Variants in EPB41L1 observed in about 807,000 individuals in gnomAD.
The protein encoded by EPB41L1 is erythrocyte membrane protein band 4.1 like 1.
Under a neutral mutation model 97.8 loss-of-function variants are expected in EPB41L1, and 29 were observed. The ratio of observed to expected loss-of-function variants is 0.30; its 90% confidence interval spans 0.22 to 0.40. EPB41L1 has a LOEUF of 0.40. Among genes scored for constraint, EPB41L1 ranks in the 10% least tolerant of loss-of-function variants. The pLI, the probability that EPB41L1 is intolerant of heterozygous loss-of-function variation, is 1.00. For missense variants in EPB41L1, 812 were observed against 1,162.3 expected (o/e 0.70, Z 4.38); for synonymous variants, 383 against 459.2 (o/e 0.83, Z 2.12).
intron 11 of EPB41L1, among the ~76,000 whole-genome samples, chr20:36,191,260 C>T (rs570233994): frequency 6.6e-6 from 1 of 152,200 alleles, no homozygotes; most frequent in Admixed American, 6.5e-5. Context: ...CAGTGTGGAG[C>T]TGATGATGCC....
intron 6 of EPB41L1, among the ~76,000 whole-genome samples, chr20:36,184,170 G>T (rs2061581714): frequency 6.6e-6 from 1 of 152,122 alleles, no homozygotes; most frequent in South Asian, 2.1e-4. Flanking sequence ...GAGAGGCAGA[G>T]GTTGCAGTGA....
At chr20:36,171,778 C>T (rs192181496) in intron 1 of EPB41L1, among the ~76,000 whole-genome samples, 77 of 152,242 alleles carry the variant, frequency 5.1e-4, no homozygotes, top group Middle Eastern at 3.4e-3. Context: ...AGGGTGGATG[C>T]TGTGTCTGTC....
chr20:36,137,236 C>G (rs988424636), intron 2 of EPB41L1, among the ~76,000 whole-genome samples: 2 of 151,680 alleles, frequency 1.3e-5, no homozygotes, highest in Admixed American at 1.3e-4. Flanking sequence ...ACTATCACAC[C>G]TGGCTAATTT....
chr20:36,096,502 A>ATGAGGG, intron 1 of EPB41L1, among the ~76,000 whole-genome samples: 1 of 152,320 alleles, frequency 6.6e-6, no homozygotes, highest in Non-Finnish European at 1.5e-5. Context: ...TCTAGGCACC[A>ATGAGGG]TGAGCTCTTT....
At chr20:36,225,662 C>T (rs886653803) in intron 21 of EPB41L1, among the ~76,000 whole-genome samples, 1 of 152,196 alleles carries the variant, frequency 6.6e-6, no homozygotes, top group African/African-American at 2.4e-5. Flanking sequence ...CTTCCAATTA[C>T]AGTCCTCTGG....
chr20:36,177,904 GC>G, intron 3 of EPB41L1, 47 bp from the exon 4 acceptor site: 1 of 1,481,384 alleles, frequency 6.8e-7, no homozygotes, highest in Non-Finnish European at 9.4e-7. Flanking sequence ...TCCCAGCCTC[GC>G]CCCGGGGTGT....
chr20:36,231,334 C>T lies in EPB41L1; in HGVS notation c.*1994C>T, dbSNP rs1816640041. Reference sequence around the variant, plus strand: ...CTGCGAATTTCTCAGTTCCATTTTACCTCCCAGTCCTCCTTCTAAACCAGT... The same window carrying T: ...CTGCGAATTTCTCAGTTCCATTTTATCTCCCAGTCCTCCTTCTAAACCAGT... On this transcript the variant is annotated 3_prime_UTR_variant, in exon 22 of 22. Transcript: ENST00000338074. 6.6e-6 allele frequency: 1 copy of T among 152,236 alleles called. No individual in the cohort carries two copies. Among genetic ancestry groups the T allele is most frequent in the South Asian group, 2.1e-4 (1 of 4,836 alleles). 9.4% of individuals were successfully genotyped at this position (152,236 alleles called of 1,614,324 possible).
Position 36,207,821 on chromosome 20 carries a change from C to A in EPB41L1, c.1669-1667C>A. ...AGCCCCCGCCCCCACCGCTGCTCCC[C>A]GCCCATGGGGGCTGGCCGCATGCTC... On this transcript the variant is annotated intron_variant, in intron 14 of 21. Transcript: ENST00000338074. This position sits in a 1 kb window ranked among gnomAD's most constrained non-coding sequence, Gnocchi z 4.9. The A allele has an allele frequency of 8.7e-6, 11 of 1,267,554 alleles. No homozygotes were observed. Among genetic ancestry groups the A allele is most frequent in the Non-Finnish European group, 1.1e-5 (11 of 976,418 alleles). 78.5% of individuals were successfully genotyped at this position (1,267,554 alleles called of 1,614,324 possible).
chr20:36,195,377 A>G lies in EPB41L1; in HGVS notation c.1485+13A>G, dbSNP rs778405056. Reference sequence around the variant, plus strand: ...ACACAAGCAGGAGGTACTGCATGGGACCTGTCCCTCCCTACCCAGCCGTTC... The same window carrying G: ...ACACAAGCAGGAGGTACTGCATGGGGCCTGTCCCTCCCTACCCAGCCGTTC... On this transcript the variant is annotated intron_variant, in intron 13 of 21. Coordinates refer to ENST00000338074, the MANE Select transcript of EPB41L1 (RefSeq NM_012156.2). The surrounding 1 kb of genome is among the most constrained non-coding windows in gnomAD (Gnocchi z 4.6). 3 of 1,613,254 alleles carry G rather than the reference A, an allele frequency of 1.9e-6. No individual in the cohort carries two copies. The highest frequency in any genetic ancestry group is 1.1e-5 in the South Asian group (1 of 91,032).
intron 1 of EPB41L1, among the ~76,000 whole-genome samples, chr20:36,096,273 AAT>A (rs2057829102): frequency 6.6e-6 from 1 of 152,116 alleles, no homozygotes; most frequent in Non-Finnish European, 1.5e-5. Context: ...GGTAGGTAGG[AAT>A]TCTGCTTTCA....
rs971099568 is a variant in EPB41L1 at position 36,093,209 on chromosome 20, G to T, written c.-65+1597G>T. ...AGGGTGCGTGTGTCTGCGTGTGTCT[G>T]TCGGTGAATGTATCTGTGAGAGGGT... On this transcript the variant is annotated intron_variant, in intron 1 of 19. Coordinates refer to the EPB41L1 transcript ENST00000202028. The surrounding 1 kb of genome is among the most constrained non-coding windows in gnomAD (Gnocchi z 5.4). 6.6e-6 allele frequency among the ~76,000 whole-genome samples: 1 copy of T among 152,112 alleles called. No individual in the cohort carries two copies. The highest frequency in any genetic ancestry group is 2.4e-5 in the African/African-American group (1 of 41,434).
intron 1 of EPB41L1, among the ~76,000 whole-genome samples, chr20:36,172,890 G>A (rs1416957947): frequency 3.9e-5 from 6 of 152,192 alleles, no homozygotes; most frequent in Admixed American, 6.5e-5. Flanking sequence ...ATGAGCCACC[G>A]CGCCTGGCGT....
At chr20:36,129,940 T>C (rs1001582494) in intron 2 of EPB41L1, among the ~76,000 whole-genome samples, 1 of 147,152 alleles carries the variant, frequency 6.8e-6, no homozygotes, top group African/African-American at 2.4e-5. Context: ...GTTTGTTTTT[T>C]TTTTTTGTTT....
intron 1 of EPB41L1, chr20:36,091,615 A>T (rs913692323): frequency 2.0e-5 from 3 of 152,258 alleles, no homozygotes; most frequent in African/African-American, 7.2e-5. Context: ...TGAGACAAGT[A>T]GGTGAAAGCT....
intron 1 of EPB41L1, among the ~76,000 whole-genome samples, chr20:36,094,251 T>G (rs1236133438): frequency 1.3e-5 from 2 of 152,218 alleles, no homozygotes. Context: ...TGTATATTAG[T>G]CTGTGCATGT....
In EPB41L1 at chr20:36,207,155, A is replaced by G. The variant is rs2062866410; in HGVS notation, c.1669-2333A>G. ...GAAGCTTCTCCAAGCCCAACCTCCC[A>G]TGGGTCAGGGGAGCCTTCGGAGCTC... On this transcript the variant is annotated intron_variant, in intron 14 of 21. Transcript: ENST00000338074. This position sits in a 1 kb window ranked among gnomAD's most constrained non-coding sequence, Gnocchi z 4.9. The G allele has an allele frequency of 1.6e-6, 2 of 1,289,456 alleles. No individual in the cohort carries two copies. The highest frequency in any genetic ancestry group is 2.0e-6 in the Non-Finnish European group (2 of 988,682). The allele number at this position is 1,289,456 out of a possible 1,614,324, so 79.9% of individuals were successfully genotyped here.
intron 2 of EPB41L1, among the ~76,000 whole-genome samples, chr20:36,136,948 C>T (rs965235063): frequency 6.6e-6 from 1 of 152,184 alleles, no homozygotes; most frequent in Admixed American, 6.5e-5. Context: ...TGCAGTGGCA[C>T]GATCACTGCA....
At chr20:36,127,157 T>C (rs1030685430) in intron 2 of EPB41L1, among the ~76,000 whole-genome samples, 2 of 152,206 alleles carry the variant, frequency 1.3e-5, no homozygotes, top group Non-Finnish European at 2.9e-5. Flanking sequence ...AGCTCAGAGA[T>C]ATGACTGAAG....
intron 2 of EPB41L1, among the ~76,000 whole-genome samples, chr20:36,129,430 C>G (rs1447886020): frequency 2.6e-5 from 4 of 152,088 alleles, no homozygotes; most frequent in East Asian, 1.9e-4. Context: ...TTTTCAGACG[C>G]CTTCCTGGGG....
Sources: gnomAD v4.1 joint callset for allele counts (sites outside exome capture counted in the v4.1 genomes callset) on GRCh38, gnomAD v4.1.1 for gene constraint, Gnocchi (gnomAD v3.1) non-coding constraint, MANE v1.5 for transcripts, NCBI Gene and HGNC (gene_info 2026-07-23, HGNC 2026-07-21) for gene names.